SEMA6D: variants seen among roughly 807,000 people sequenced by gnomAD.
SEMA6D encodes semaphorin 6D, also known as semaphorin-6D.
SEMA6D carries 35 observed loss-of-function variants against 106.6 expected under a neutral mutation model. The observed-to-expected ratio is 0.33, with a 90% CI of 0.25 to 0.44. The LOEUF is 0.44. Ranked by LOEUF, SEMA6D falls within the 20% of genes least tolerant of loss-of-function variation. The probability of loss-of-function intolerance (pLI) is 1.00; values close to 1 mark genes in which losing one functional copy is unlikely to be tolerated. For missense variants in SEMA6D, 1,185 were observed against 1,345.9 expected (o/e 0.88, Z 1.87); for synonymous variants, 499 against 487.7 (o/e 1.02, Z -0.31).
At position 47,450,368 on chromosome 15, in the gene SEMA6D, A is replaced by T. The variant is rs529186923; in HGVS notation, c.-158-20106A>T. Among the ~76,000 whole-genome samples the T allele has an allele frequency of 2.6e-5, 4 of 152,208 alleles. No homozygotes were observed. The East Asian group carries it at 7.8e-4, about 30-fold the overall frequency. ...CCACCTCCAGTATACTGATCAGGAC[A>T]TCACCATGCCTCTTACTGTCCCTGG... On this transcript the variant is annotated intron_variant, in intron 2 of 19. Transcript: ENST00000558014.
chr15:47,745,665 G>T (rs990370795), intron 1 of SEMA6D, among the ~76,000 whole-genome samples: 8 of 152,242 alleles, frequency 5.3e-5, no homozygotes, highest in Admixed American at 5.2e-4. Context: ...CTAGACAAAA[G>T]GCTGCAGGTA....
chr15:47,385,588 G>A (rs921615689), intron 1 of SEMA6D, among the ~76,000 whole-genome samples: 14 of 152,016 alleles, frequency 9.2e-5, no homozygotes, highest in Admixed American at 3.3e-4. Context: ...AACTCAAAGC[G>A]TACAGGTCCA....
chr15:47,382,690 G>A (rs766107632), intron 1 of SEMA6D, among the ~76,000 whole-genome samples: 5 of 152,216 alleles, frequency 3.3e-5, no homozygotes, highest in Admixed American at 2.6e-4. Context: ...AAGCCTACTA[G>A]TTGAAACAAG....
intron 2 of SEMA6D, among the ~76,000 whole-genome samples, chr15:47,417,596 C>T: frequency 6.6e-6 from 1 of 151,994 alleles, no homozygotes; most frequent in Non-Finnish European, 1.5e-5. Context: ...TAGAATTGTT[C>T]AGGATTTGTA....
chr15:47,371,029 A>G (rs924245066), intron 1 of SEMA6D, among the ~76,000 whole-genome samples: 2 of 152,212 alleles, frequency 1.3e-5, no homozygotes, highest in African/African-American at 4.8e-5. Flanking sequence ...GATGCTGGGC[A>G]TGACCTTTTT....
rs1166619507 is a variant in SEMA6D at position 47,768,601 on chromosome 15, T to C, written c.1786T>C (p.Ser596Pro). 2 of 1,612,360 alleles carry C rather than the reference T, an allele frequency of 1.2e-6. No individual in the cohort carries two copies. The highest frequency in any genetic ancestry group is 1.7e-6 in the Non-Finnish European group (2 of 1,178,862). The change falls in exon 18 of 19, where the codon TCT becomes CCT. Residue 596 changes from serine to proline, a missense_variant. Transcript: ENST00000536845. ...CACAGACATGGAGGTATCTTCATCT[T>C]CTGTTACCACAATGGCAAGTATCCC... The part of the protein sequence containing the change: ...PTSDMEVSSS[S>P]VTTMASIPEI...
chr15:47,573,774 T>A (rs1023528307), intron 3 of SEMA6D, among the ~76,000 whole-genome samples: 2 of 152,212 alleles, frequency 1.3e-5, no homozygotes, highest in African/African-American at 4.8e-5. Flanking sequence ...TCCACAGGAA[T>A]CACCCCTGCC....
chr15:47,305,879 C>T (rs1364044454), intron 1 of SEMA6D, among the ~76,000 whole-genome samples: 2 of 152,242 alleles, frequency 1.3e-5, no homozygotes, highest in Non-Finnish European at 2.9e-5. Context: ...TGATCCAGGC[C>T]TTCACAGATT....
intron 1 of SEMA6D, among the ~76,000 whole-genome samples, chr15:47,367,716 ACACACACACACAG>A (rs2039109106): frequency 6.8e-6 from 1 of 146,246 alleles, no homozygotes; most frequent in African/African-American, 2.6e-5. Context: ...ACACACACAC[ACACACACACACAG>A]AGAGAGAGAA....
chr15:47,326,309 T>C (rs1809885536), intron 1 of SEMA6D, among the ~76,000 whole-genome samples: 2 of 152,328 alleles, frequency 1.3e-5, no homozygotes, highest in East Asian at 1.9e-4. Flanking sequence ...ATAATGACTG[T>C]GCTTTTAACA....
At chr15:47,418,119 G>C (rs2041037109) in intron 2 of SEMA6D, among the ~76,000 whole-genome samples, 1 of 152,102 alleles carries the variant, frequency 6.6e-6, no homozygotes, top group South Asian at 2.1e-4. Context: ...GAGTGGCCTG[G>C]TAAAGCTTTT....
In SEMA6D at chr15:47,207,993, GCACACACACACACACACACA is replaced by G. The variant is rs57079521; in HGVS notation, c.-239+23613_-239+23632del. Among the ~76,000 whole-genome samples the G allele has an allele frequency of 3.4e-3, 303 of 89,456 alleles. 3 individuals carry two copies. The highest frequency in any genetic ancestry group is 0.01 in the African/African-American group (257 of 24,566). The allele number at this position is 89,456 out of a possible 152,430, so 58.7% of individuals were successfully genotyped here. A position where few individuals can be genotyped will look rare whatever the true frequency, so the allele number is the denominator to read the frequency against. The stretch of plus-strand genomic sequence containing the variant: ...AGGTACAGTAGCCACTGGCGCGCGC[GCACACACACACACACACACA>G]CACACACACACACACACACACACAC... On this transcript the variant is annotated intron_variant, in intron 1 of 19. Coordinates refer to the SEMA6D transcript ENST00000558014.
intron 3 of SEMA6D, among the ~76,000 whole-genome samples, chr15:47,589,603 A>G (rs936952932): frequency 1.3e-5 from 2 of 152,214 alleles, no homozygotes; most frequent in Non-Finnish European, 2.9e-5. Flanking sequence ...GCTCATGTCC[A>G]CCTTCTTTGC....
At chr15:47,768,836 G>A (rs1567116111) in intron 18 of SEMA6D, 88 bp downstream of exon 18, 6 of 1,310,024 alleles carry the variant, frequency 4.6e-6, no homozygotes, top group Non-Finnish European at 6.2e-6. Context: ...CCAGAGGTGG[G>A]CCTCACAGGA....
intron 3 of SEMA6D, among the ~76,000 whole-genome samples, chr15:47,543,052 G>C (rs1164047899): frequency 6.6e-6 from 1 of 152,136 alleles, no homozygotes; most frequent in Non-Finnish European, 1.5e-5. Context: ...TCATTAGACT[G>C]TAAGTATCCT....
At chr15:47,323,812 T>A (rs116856816) in intron 1 of SEMA6D, among the ~76,000 whole-genome samples, 1,569 of 152,198 alleles carry the variant, frequency 0.01, 6 homozygotes, top group Admixed American at 0.021. Context: ...GAAATGAAAA[T>A]AATTAACCTG....
At chr15:47,216,464 G>A (rs2030615481) in intron 1 of SEMA6D, among the ~76,000 whole-genome samples, 1 of 152,122 alleles carries the variant, frequency 6.6e-6, no homozygotes, top group Non-Finnish European at 1.5e-5. Context: ...ATGCGTAATA[G>A]CATAACCAGA....
chr15:47,313,562 G>A (rs1595708038), intron 1 of SEMA6D, among the ~76,000 whole-genome samples: 1 of 152,078 alleles, frequency 6.6e-6, no homozygotes, highest in African/African-American at 2.4e-5. Flanking sequence ...AATTATGTTT[G>A]TTTGTTTATT....
At chr15:47,489,213 C>A (rs2043388791) in intron 3 of SEMA6D, among the ~76,000 whole-genome samples, 1 of 152,108 alleles carries the variant, frequency 6.6e-6, no homozygotes, top group African/African-American at 2.4e-5. Flanking sequence ...ACACTTGGAG[C>A]CGCCAGAAGC....
Sources: allele counts gnomAD v4.1 joint callset (sites outside exome capture counted in the v4.1 genomes callset), GRCh38; gene constraint gnomAD v4.1.1; transcripts MANE v1.5; gene names NCBI Gene and HGNC (gene_info 2026-07-23, HGNC 2026-07-21).